PCDH15: variants seen among roughly 807,000 people sequenced by gnomAD.
PCDH15 encodes protocadherin related 15.
In PCDH15, 129 loss-of-function variants were observed where a neutral mutation model predicts 178.5. The observed-to-expected ratio is 0.72, with a 90% confidence interval of 0.63 to 0.84. The LOEUF is 0.84. Among genes scored for constraint, PCDH15 ranks in the 40% least tolerant of loss-of-function variants. PCDH15 has a pLI of 0.00. For missense variants in PCDH15, 2,230 were observed against 2,099.9 expected (o/e 1.06, Z -1.21); for synonymous variants, 800 against 732.0 (o/e 1.09, Z -1.50).
At chr10:55,342,547 C>A in intron 2 of PCDH15, among the ~76,000 whole-genome samples, 1 of 151,972 alleles carries the variant, frequency 6.6e-6, no homozygotes, top group Non-Finnish European at 1.5e-5. Context: ...TGGGCTCAAG[C>A]AATCCTCCTG....
intron 8 of PCDH15, among the ~76,000 whole-genome samples, chr10:54,257,247 C>T (rs946118717): frequency 2.0e-5 from 3 of 152,030 alleles, no homozygotes; most frequent in African/African-American, 7.2e-5. Context: ...ATGTGGAACT[C>T]ACCTACTGAA....
chr10:54,491,145 G>A (rs1239553584), intron 3 of PCDH15, among the ~76,000 whole-genome samples: 1 of 152,112 alleles, frequency 6.6e-6, no homozygotes, highest in Non-Finnish European at 1.5e-5. Flanking sequence ...TGCAGTAGCA[G>A]TTAAGGGATC....
At chr10:54,215,293 T>C (rs1017400076) in intron 9 of PCDH15, among the ~76,000 whole-genome samples, 1 of 152,170 alleles carries the variant, frequency 6.6e-6, no homozygotes, top group Non-Finnish European at 1.5e-5. Context: ...ACTACTTATT[T>C]TCCTCAACTC....
chr10:54,018,991 CA>C (rs1325550655), intron 20 of PCDH15, among the ~76,000 whole-genome samples: 4 of 151,948 alleles, frequency 2.6e-5, no homozygotes, highest in African/African-American at 9.7e-5. Context: ...CTATTTTATT[CA>C]TGGTCATTGA....
At chr10:54,774,007 C>CTTTTTTTTTTTTTTTTTTTTTTTTTT (rs763704132) in intron 1 of PCDH15, among the ~76,000 whole-genome samples, 1 of 75,378 alleles carries the variant, frequency 1.3e-5, no homozygotes, top group Non-Finnish European at 2.5e-5. Context: ...ACTTCATAGG[C>CTTTTTTTTTTTTTTTTTTTTTTTTTT]TTTTTTTTTT....
At chr10:54,840,487 G>T (rs1953399400) in intron 3 of PCDH15, among the ~76,000 whole-genome samples, 1 of 151,398 alleles carries the variant, frequency 6.6e-6, no homozygotes, top group South Asian at 2.1e-4. Context: ...AAGTAGTGGA[G>T]AAAAATCATC....
At position 54,317,492 on chromosome 10, in the gene PCDH15, T is replaced by G. The variant is rs1452539556; in HGVS notation, c.706-51A>C. 1.9e-6 allele frequency: 3 copies of G among 1,601,326 alleles called. No individual in the cohort carries two copies. The South Asian group carries it at 3.3e-5, about 18-fold the overall frequency. The stretch of plus-strand genomic sequence containing the variant: ...GGTAGTTTATAGAAATTAGGCACAA[T>G]AGCCAGGAGCAGTGGCCCATACCTG... On this transcript the variant is annotated intron_variant, in intron 7 of 37. Transcript: ENST00000644397.
At chr10:55,410,149 A>G (rs1838297421) in intron 2 of PCDH15, among the ~76,000 whole-genome samples, 1 of 152,124 alleles carries the variant, frequency 6.6e-6, no homozygotes, top group South Asian at 2.1e-4. Context: ...TTAGGTACTT[A>G]CATAAATGTT....
intron 2 of PCDH15, among the ~76,000 whole-genome samples, chr10:54,658,033 C>T (rs2094437043): frequency 1.3e-5 from 2 of 152,076 alleles, no homozygotes; most frequent in Admixed American, 1.3e-4. Context: ...TTTAACAATA[C>T]ACTAGACCAT....
intron 25 of PCDH15, among the ~76,000 whole-genome samples, chr10:53,928,618 T>C (rs1241169889): frequency 6.6e-6 from 1 of 152,078 alleles, no homozygotes; most frequent in Non-Finnish European, 1.5e-5. Flanking sequence ...GTAACATAAG[T>C]GACTTAATAG....
At chr10:55,373,558 C>A (rs1475109679) in intron 2 of PCDH15, among the ~76,000 whole-genome samples, 1 of 151,840 alleles carries the variant, frequency 6.6e-6, no homozygotes, top group Non-Finnish European at 1.5e-5. Flanking sequence ...AAAAAAATGT[C>A]CAGTGCCCAA....
intron 2 of PCDH15, among the ~76,000 whole-genome samples, chr10:55,411,899 G>T (rs906714156): frequency 1.3e-4 from 20 of 152,020 alleles, no homozygotes; most frequent in African/African-American, 4.6e-4. Context: ...GATAAATTAA[G>T]ATAGACATAT....
chr10:54,229,198 C>T (rs890886747), intron 9 of PCDH15, among the ~76,000 whole-genome samples: 4 of 152,070 alleles, frequency 2.6e-5, no homozygotes, highest in African/African-American at 9.7e-5. Context: ...TAGGTCAAAA[C>T]CGTGGAGATC....
At chr10:55,584,714 A>ATC (rs926508638) in intron 2 of PCDH15, among the ~76,000 whole-genome samples, 3 of 150,918 alleles carry the variant, frequency 2.0e-5, no homozygotes, top group African/African-American at 7.3e-5. Context: ...CAGCTTTCTC[A>ATC]TCTCTAAAAT....
At chr10:54,139,783 G>A (rs558740170) in intron 14 of PCDH15, among the ~76,000 whole-genome samples, 1 of 151,906 alleles carries the variant, frequency 6.6e-6, no homozygotes, top group Admixed American at 6.5e-5. Context: ...AAACCAATAA[G>A]TAGAAGAAAG....
chr10:54,813,758 A>T (rs987665325), intron 3 of PCDH15, among the ~76,000 whole-genome samples: 8 of 152,210 alleles, frequency 5.3e-5, no homozygotes, highest in Non-Finnish European at 1.2e-4. Context: ...TCAGAATGAC[A>T]TGTGAAAAAG....
At chr10:55,568,511 A>G (rs1842347374) in intron 2 of PCDH15, among the ~76,000 whole-genome samples, 1 of 151,974 alleles carries the variant, frequency 6.6e-6, no homozygotes, top group Non-Finnish European at 1.5e-5. Context: ...CATTATGTGT[A>G]TTTTTACCAA....
chr10:54,658,534 C>T (rs909394380), intron 2 of PCDH15, among the ~76,000 whole-genome samples: 1 of 152,044 alleles, frequency 6.6e-6, no homozygotes. Flanking sequence ...TTATAACCTA[C>T]TAAACTTAAT....
chr10:54,168,546 T>TCCGTGACTA (rs2046511281), intron 13 of PCDH15, among the ~76,000 whole-genome samples: 1 of 152,186 alleles, frequency 6.6e-6, no homozygotes, highest in Admixed American at 6.5e-5. Context: ...ACAGTTTCGT[T>TCCGTGACTA]CCGTGACTAG....
Sources: gnomAD v4.1 joint callset for allele counts (sites outside exome capture counted in the v4.1 genomes callset) on GRCh38, gnomAD v4.1.1 for gene constraint, MANE v1.5 for transcripts, NCBI Gene and HGNC (gene_info 2026-07-23, HGNC 2026-07-21) for gene names.